The following UBE2K variants were observed in gnomAD, a reference collection of about 807,000 sequenced individuals.
The protein encoded by UBE2K is ubiquitin conjugating enzyme E2 K.
Under a neutral mutation model 30.0 loss-of-function variants are expected in UBE2K, and 6 were observed. The observed-to-expected ratio is 0.20, with a 90% CI of 0.11 to 0.39. The LOEUF (loss-of-function observed/expected upper bound fraction) is 0.39. Ranked by LOEUF, UBE2K falls within the 10% of genes least tolerant of loss-of-function variation. The probability of loss-of-function intolerance (pLI) is 1.00; values close to 1 mark genes in which losing one functional copy is unlikely to be tolerated. For synonymous variants in UBE2K, 86 were observed against 83.7 expected (o/e 1.03, Z -0.15); for missense variants, 61 against 241.6 (o/e 0.25, Z 4.96).
intron 4 of UBE2K, among the ~76,000 whole-genome samples, chr4:39,760,196 A>AAC (rs1560372506): frequency 5.0e-4 from 4 of 7,922 alleles, no homozygotes; most frequent in East Asian, 0.014. Flanking sequence ...AAAAAAACAG[A>AAC]AAAAAAAAAA....
rs76600119 is a variant in UBE2K, at chr4:39,710,758, A to G, written c.63+12368A>G. Among the ~76,000 whole-genome samples the G allele has an allele frequency of 1.4e-4, 21 of 152,262 alleles. No individual in the cohort carries two copies. In the East Asian group the frequency reaches 3.9e-3, roughly 28 times the overall value. ...GGTTATGGTAGAAAGAGTTATACTC[A>G]TATCTGCTGCTTGCTCCCTACATTT... is the stretch of plus-strand genomic sequence containing the variant. On this transcript the variant is annotated intron_variant, in intron 1 of 6. Coordinates refer to ENST00000261427, the MANE Select transcript of UBE2K (RefSeq NM_005339.5).
chr4:39,738,722 G>A (rs533235299), intron 2 of UBE2K, among the ~76,000 whole-genome samples: 19 of 152,254 alleles, frequency 1.2e-4, no homozygotes, highest in Admixed American at 2.0e-4. Context: ...CTGTCACCCA[G>A]CCTGGAGTGC....
intron 2 of UBE2K, among the ~76,000 whole-genome samples, chr4:39,739,286 C>T (rs934755978): frequency 1.3e-5 from 2 of 152,144 alleles, no homozygotes; most frequent in Admixed American, 6.6e-5. Context: ...CAGCCTCGGC[C>T]TCCCAAAGTG....
intron 4 of UBE2K, chr4:39,770,404 G>T: frequency 1.2e-6 from 2 of 1,612,960 alleles, no homozygotes; most frequent in Non-Finnish European, 1.7e-6. Context: ...TGCTGCTGCC[G>T]CATGTGGAAG....
chr4:39,702,634 T>C (rs1425881596), intron 1 of UBE2K, among the ~76,000 whole-genome samples: 1 of 152,176 alleles, frequency 6.6e-6, no homozygotes, highest in East Asian at 1.9e-4. Flanking sequence ...TATAGTACAT[T>C]AAGTTTTCCC....
In UBE2K at chr4:39,745,762, C is replaced by T. The variant is rs770044900; in HGVS notation, c.168C>T (p.Tyr56=). ...PPDTPYEGGR[Y]QLEIKIPETY... is the part of the protein sequence containing the mutation. The stretch of plus-strand genomic sequence containing the variant: ...TCCCCATTTTTTTAGGAGGAAGATA[C>T]CAACTAGAGATAAAAATACCAGAAA... Residue 56 remains tyrosine, a synonymous_variant, in exon 3 of 7, where the codon TAC becomes TAT. Transcript: ENST00000261427. 3.7e-6 allele frequency: 6 copies of T among 1,605,544 alleles called. 1 individual carries two copies. The South Asian group carries it at 6.7e-5, about 18-fold the overall frequency.
At chr4:39,714,990 C>G (rs1455201017) in intron 1 of UBE2K, among the ~76,000 whole-genome samples, 1 of 151,324 alleles carries the variant, frequency 6.6e-6, no homozygotes, top group African/African-American at 2.4e-5. Context: ...TCCTGAGTAG[C>G]TGGGACTACA....
At chr4:39,777,285 G>C (rs1037863294) in intron 5 of UBE2K, among the ~76,000 whole-genome samples, 2 of 152,122 alleles carry the variant, frequency 1.3e-5, no homozygotes, top group Admixed American at 1.3e-4. Context: ...TACAAAAGCT[G>C]GTTACATCGT....
intron 3 of UBE2K, among the ~76,000 whole-genome samples, chr4:39,754,676 T>G (rs1442102612): frequency 1.3e-5 from 2 of 152,118 alleles, no homozygotes; most frequent in Non-Finnish European, 2.9e-5. Flanking sequence ...GCCCAGCTAA[T>G]TTTTTTATTT....
chr4:39,742,030 A>G (rs1720728368), intron 2 of UBE2K, among the ~76,000 whole-genome samples: 2 of 152,126 alleles, frequency 1.3e-5, no homozygotes, highest in African/African-American at 2.4e-5. Context: ...CGTGTAACAT[A>G]AGGGATAGAA....
intron 4 of UBE2K, among the ~76,000 whole-genome samples, chr4:39,761,592 C>A (rs1272959001): frequency 6.6e-6 from 1 of 152,148 alleles, no homozygotes; most frequent in Non-Finnish European, 1.5e-5. Context: ...ATATTATCTT[C>A]TAAATTATAA....
chr4:39,770,683 T>TG (rs920449003), intron 4 of UBE2K: 2 of 1,577,416 alleles, frequency 1.3e-6, no homozygotes, highest in African/African-American at 1.3e-5. Flanking sequence ...GCCACAGTGC[T>TG]GGGGGGCACG....
intron 2 of UBE2K, among the ~76,000 whole-genome samples, chr4:39,742,569 T>G (rs1384323779): frequency 2.0e-5 from 3 of 151,736 alleles, no homozygotes; most frequent in East Asian, 3.9e-4. Context: ...AGACCCTGTC[T>G]CTACTTAAAA....
intron 2 of UBE2K, among the ~76,000 whole-genome samples, chr4:39,739,442 A>ATT (rs35957337): frequency 0.017 from 1,760 of 105,772 alleles, 112 homozygotes; most frequent in African/African-American, 0.052. Flanking sequence ...CTGTTTATTC[A>ATT]TTTTTTTTTT....
At chr4:39,752,924 A>AG (rs1721345208) in intron 3 of UBE2K, among the ~76,000 whole-genome samples, 1 of 151,844 alleles carries the variant, frequency 6.6e-6, no homozygotes, top group Non-Finnish European at 1.5e-5. Context: ...GGAGGCCGAG[A>AG]GGGGAGGATT....
intron 1 of UBE2K, among the ~76,000 whole-genome samples, chr4:39,726,427 C>T (rs558050953): frequency 6.6e-6 from 1 of 151,910 alleles, no homozygotes; most frequent in Admixed American, 6.6e-5. Flanking sequence ...CACTTTGCTG[C>T]CCAGGCTGGT....
chr4:39,746,887 C>T (rs1721013690), intron 3 of UBE2K, among the ~76,000 whole-genome samples: 2 of 152,158 alleles, frequency 1.3e-5, no homozygotes, highest in Admixed American at 1.3e-4. Context: ...AATATAGTTC[C>T]AACTCATGTA....
intron 1 of UBE2K, among the ~76,000 whole-genome samples, chr4:39,698,870 G>C (rs1717850276): frequency 6.6e-6 from 1 of 152,180 alleles, no homozygotes; most frequent in South Asian, 2.1e-4. Flanking sequence ...TTCTTTTCTT[G>C]GGGAAGGAGC....
intron 1 of UBE2K, among the ~76,000 whole-genome samples, chr4:39,731,015 T>A (rs1402896084): frequency 6.6e-6 from 1 of 151,890 alleles, no homozygotes; most frequent in Non-Finnish European, 1.5e-5. Context: ...AGACAGAGTC[T>A]TGCTTTGTCG....
Sources: allele counts gnomAD v4.1 joint callset (sites outside exome capture counted in the v4.1 genomes callset), GRCh38; gene constraint gnomAD v4.1.1; transcripts MANE v1.5; gene names NCBI Gene and HGNC (gene_info 2026-07-23, HGNC 2026-07-21).